Variants in ELMO1 observed in about 807,000 individuals in gnomAD.
The protein encoded by ELMO1 is engulfment and cell motility 1, also known as engulfment and cell motility protein 1.
ELMO1 carries 26 observed loss-of-function variants against 98.9 expected under a neutral mutation model. The observed-to-expected ratio is 0.26, with a 90% CI of 0.19 to 0.36. The LOEUF (loss-of-function observed/expected upper bound fraction) is 0.36. ELMO1 is among the 10% of genes least tolerant of loss of function. The pLI, the probability that ELMO1 is intolerant of heterozygous loss-of-function variation, is 1.00. For synonymous variants in ELMO1, 346 were observed against 346.0 expected (o/e 1.00, Z 0.00); for missense variants, 627 against 935.2 (o/e 0.67, Z 4.30).
chr7:37,252,001 A>G (rs1416998443), intron 6 of ELMO1, among the ~76,000 whole-genome samples: 1 of 152,184 alleles, frequency 6.6e-6, no homozygotes, highest in Non-Finnish European at 1.5e-5. Context: ...AGAGAATATA[A>G]TACCTAGGAA....
intron 10 of ELMO1, among the ~76,000 whole-genome samples, chr7:37,222,056 A>C (rs1183020906): frequency 6.6e-6 from 1 of 152,154 alleles, no homozygotes. Context: ...CCACACACAG[A>C]AGTAAGTAAT....
chr7:37,290,354 C>A lies in ELMO1; in HGVS notation c.193-18472G>T, dbSNP rs569951099. Among the ~76,000 whole-genome samples the A allele has an allele frequency of 4.6e-5, 7 of 152,182 alleles. No individual in the cohort carries two copies. In the East Asian group the frequency reaches 1.4e-3, roughly 29 times the overall value. ...GATTTAGCTAAAACTAAGTTCAAAT[C>A]CAGGGTGTACACTAGTCATATATAA... On this transcript the variant is annotated intron_variant, in intron 4 of 21. Transcript: ENST00000310758.
intron 16 of ELMO1, chr7:36,919,245 G>T: frequency 2.7e-6 from 1 of 371,786 alleles, no homozygotes; most frequent in Non-Finnish European, 5.9e-6. Flanking sequence ...TTGGTTAATA[G>T]TGACTAGGAT....
intron 15 of ELMO1, among the ~76,000 whole-genome samples, chr7:37,034,516 TG>T (rs1169198415): frequency 6.6e-6 from 1 of 152,236 alleles, no homozygotes; most frequent in Non-Finnish European, 1.5e-5. Flanking sequence ...GTGTAACTTT[TG>T]ACTCCCCCAA....
chr7:37,179,462 A>G (rs1790708826), intron 13 of ELMO1, among the ~76,000 whole-genome samples: 1 of 152,044 alleles, frequency 6.6e-6, no homozygotes, highest in Non-Finnish European at 1.5e-5. Context: ...TATTTTTAGT[A>G]GAGACAGGAT....
intron 7 of ELMO1, among the ~76,000 whole-genome samples, chr7:37,238,310 A>G (rs961300324): frequency 3.3e-5 from 5 of 152,154 alleles, no homozygotes; most frequent in Non-Finnish European, 2.9e-5. Context: ...TATTTCTACA[A>G]ATTATGATTT....
chr7:37,033,116 T>A (rs1198537732), intron 15 of ELMO1, among the ~76,000 whole-genome samples: 2 of 152,174 alleles, frequency 1.3e-5, no homozygotes, highest in Non-Finnish European at 2.9e-5. Context: ...AGACTCCACA[T>A]TCCATAATCG....
At chr7:37,280,036 G>A (rs1189083431) in intron 4 of ELMO1, among the ~76,000 whole-genome samples, 1 of 152,166 alleles carries the variant, frequency 6.6e-6, no homozygotes, top group East Asian at 1.9e-4. Flanking sequence ...AGAGAACACA[G>A]AAATAAACCC....
intron 13 of ELMO1, among the ~76,000 whole-genome samples, chr7:37,153,887 A>G (rs6946655): frequency 0.91 from 138,167 of 152,144 alleles, 63,100 homozygotes; most frequent in Non-Finnish European, 0.96. Context: ...GCCTGACTAG[A>G]AGACACCTCC....
chr7:36,951,905 A>G (rs1787994633), intron 16 of ELMO1, among the ~76,000 whole-genome samples: 1 of 152,204 alleles, frequency 6.6e-6, no homozygotes, highest in African/African-American at 2.4e-5. Context: ...GCAGGCACTC[A>G]ATAGATGTTT....
At chr7:37,262,678 A>T (rs1796034957) in intron 5 of ELMO1, among the ~76,000 whole-genome samples, 1 of 152,198 alleles carries the variant, frequency 6.6e-6, no homozygotes. Flanking sequence ...ACATAGGTGA[A>T]CAACTGGAGG....
chr7:36,989,209 T>C (rs911304362), intron 16 of ELMO1, among the ~76,000 whole-genome samples: 2 of 152,174 alleles, frequency 1.3e-5, no homozygotes, highest in Non-Finnish European at 2.9e-5. Context: ...TATTACACTA[T>C]TTACACAAAT....
chr7:36,927,739 G>A (rs1238570155), intron 16 of ELMO1, among the ~76,000 whole-genome samples: 1 of 152,296 alleles, frequency 6.6e-6, no homozygotes, highest in Non-Finnish European at 1.5e-5. Flanking sequence ...TATACATTTA[G>A]CATCACTCTA....
At chr7:36,974,715 C>T (rs571113828) in intron 16 of ELMO1, among the ~76,000 whole-genome samples, 6 of 152,332 alleles carry the variant, frequency 3.9e-5, no homozygotes, top group Admixed American at 3.3e-4. Context: ...TCCCCTTCCA[C>T]ACTGGGGAAG....
At chr7:36,960,802 T>C (rs777955659) in intron 16 of ELMO1, among the ~76,000 whole-genome samples, 1 of 152,142 alleles carries the variant, frequency 6.6e-6, no homozygotes, top group Non-Finnish European at 1.5e-5. Context: ...TTGATGAAGA[T>C]CAGTGTTACG....
chr7:36,973,396 A>G (rs1790149895), intron 16 of ELMO1, among the ~76,000 whole-genome samples: 1 of 152,206 alleles, frequency 6.6e-6, no homozygotes, highest in African/African-American at 2.4e-5. Context: ...TTAGGGCCCT[A>G]TGTCTCTATC....
chr7:37,019,412 G>A lies in ELMO1; in HGVS notation c.1301-5977C>T, dbSNP rs191683477. ...ATTTGGATACAAACTTCATCATTTC[G>A]CTGTGAGGATCAAATGGGAACAGTG... On this transcript the variant is annotated intron_variant, in intron 15 of 21. Transcript: ENST00000310758. Among the ~76,000 whole-genome samples, 11 of 152,302 alleles carry A rather than the reference G, an allele frequency of 7.2e-5. No homozygotes were observed. In the East Asian group the frequency reaches 7.7e-4, roughly 11 times the overall value.
intron 13 of ELMO1, among the ~76,000 whole-genome samples, chr7:37,201,471 T>C (rs1324285897): frequency 2.0e-5 from 3 of 152,072 alleles, no homozygotes; most frequent in Non-Finnish European, 2.9e-5. Context: ...GGAATGAGAG[T>C]TGGGAGACTC....
intron 5 of ELMO1, among the ~76,000 whole-genome samples, chr7:37,260,429 G>A (rs1795920235): frequency 6.6e-6 from 1 of 152,146 alleles, no homozygotes; most frequent in Admixed American, 6.5e-5. Context: ...GTGGAGGCAG[G>A]AGAACCACCT....
Sources: allele counts gnomAD v4.1 joint callset (sites outside exome capture counted in the v4.1 genomes callset), GRCh38; gene constraint gnomAD v4.1.1; transcripts MANE v1.5; gene names NCBI Gene and HGNC (gene_info 2026-07-23, HGNC 2026-07-21).